THSD7A: variants seen among roughly 807,000 people sequenced by gnomAD.
The protein encoded by THSD7A is thrombospondin type 1 domain containing 7A, also known as thrombospondin type-1 domain-containing protein 7A.
Under a neutral mutation model 231.3 loss-of-function variants are expected in THSD7A, and 96 were observed. That is an observed-to-expected ratio of 0.41 (90% CI 0.35 to 0.49). The LOEUF (loss-of-function observed/expected upper bound fraction) is 0.49. Among genes scored for constraint, THSD7A ranks in the 20% least tolerant of loss-of-function variants. The pLI is 0.05. For synonymous variants in THSD7A, 940 were observed against 743.3 expected (o/e 1.26, Z -4.30); for missense variants, 2,290 against 2,070.2 (o/e 1.11, Z -2.06).
chr7:11,495,651 A>G (rs1406133897), intron 6 of THSD7A, among the ~76,000 whole-genome samples: 1 of 152,162 alleles, frequency 6.6e-6, no homozygotes, highest in Non-Finnish European at 1.5e-5. Flanking sequence ...CTATTGAACT[A>G]GAAAAATCTT....
chr7:11,773,679 T>C (rs1276698309), intron 1 of THSD7A, among the ~76,000 whole-genome samples: 1 of 152,102 alleles, frequency 6.6e-6, no homozygotes, highest in Admixed American at 6.5e-5. Flanking sequence ...TTATTATGGA[T>C]TCATAATAAT....
At position 11,518,249 on chromosome 7, in the gene THSD7A, A is replaced by C. The variant is rs557514271; in HGVS notation, c.1822+23170T>G. On this transcript the variant is annotated intron_variant, in intron 6 of 27. Coordinates refer to ENST00000423059, the MANE Select transcript of THSD7A (RefSeq NM_015204.3). ...CAATTAAGTATAACAAGAGGAAAGC[A>C]CCAGAGATGCTACAATAGGAATACA... Among the ~76,000 whole-genome samples the C allele has an allele frequency of 9.8e-5, 15 of 152,336 alleles. 1 individual carries two copies. The South Asian group carries it at 2.7e-3, about 27-fold the overall frequency.
chr7:11,513,365 A>G (rs552480604), intron 6 of THSD7A, among the ~76,000 whole-genome samples: 3 of 152,026 alleles, frequency 2.0e-5, no homozygotes, highest in African/African-American at 4.8e-5. Flanking sequence ...AATAAAAAAA[A>G]CCAAAAAACA....
intron 23 of THSD7A, among the ~76,000 whole-genome samples, chr7:11,386,361 T>C (rs1782743751): frequency 1.3e-5 from 2 of 152,150 alleles, no homozygotes; most frequent in African/African-American, 4.8e-5. Flanking sequence ...TGTTTCTCCA[T>C]ATCCTCTCTA....
At chr7:11,545,652 A>G (rs1789348995) in intron 4 of THSD7A, among the ~76,000 whole-genome samples, 1 of 152,160 alleles carries the variant, frequency 6.6e-6, no homozygotes, top group Non-Finnish European at 1.5e-5. Flanking sequence ...GGGGTGAATT[A>G]AACAGGCATG....
chr7:11,477,613 T>C (rs554441806), intron 7 of THSD7A, among the ~76,000 whole-genome samples: 9 of 152,294 alleles, frequency 5.9e-5, no homozygotes, highest in Admixed American at 1.3e-4. Context: ...GTCATTAAAA[T>C]TGTTTGCAAA....
At chr7:11,743,934 A>C (rs1782191721) in intron 1 of THSD7A, among the ~76,000 whole-genome samples, 2 of 151,898 alleles carry the variant, frequency 1.3e-5, no homozygotes. Flanking sequence ...CTAACTTTTA[A>C]TTAGCACTTA....
chr7:11,551,033 A>T (rs888266813), intron 4 of THSD7A, among the ~76,000 whole-genome samples: 11 of 152,268 alleles, frequency 7.2e-5, no homozygotes, highest in African/African-American at 2.6e-4. Flanking sequence ...TGATTCCAGA[A>T]ACAAAGTCAC....
In THSD7A at chr7:11,573,288, G is replaced by T. The variant is rs577037736; in HGVS notation, c.1453+17172C>A. 6.2e-4 allele frequency among the ~76,000 whole-genome samples: 94 copies of T among 152,314 alleles called. 1 individual carries two copies. The highest frequency in any genetic ancestry group is 3.4e-3 in the Middle Eastern group (1 of 294). ...TGTATTCAGCCAAACTCTGGCCAAG[G>T]ATTCATGGTGTATCCACACTGAGAC... On this transcript the variant is annotated intron_variant, in intron 4 of 27. Transcript: ENST00000423059.
chr7:11,637,360 G>A lies in THSD7A; in HGVS notation c.191-399C>T, dbSNP rs989421905. On this transcript the variant is annotated intron_variant, in intron 1 of 27. Transcript: ENST00000423059. The surrounding 1 kb of genome is among the most constrained non-coding windows in gnomAD (Gnocchi z 4.2). ...AGTAACTGGCAAAGAAAATGGCCCC[G>A]TGTGAAGAACTTCTCCTGCAGGCAT... Among the ~76,000 whole-genome samples the A allele has an allele frequency of 2.6e-5, 4 of 152,182 alleles. No individual in the cohort carries two copies. Among genetic ancestry groups the A allele is most frequent in the East Asian group, 1.9e-4 (1 of 5,192 alleles).
chr7:11,754,180 T>C (rs1045601952), intron 1 of THSD7A, among the ~76,000 whole-genome samples: 1 of 151,840 alleles, frequency 6.6e-6, no homozygotes, highest in Admixed American at 6.6e-5. Context: ...TTCAAAGAAA[T>C]CAAAGAAACC....
At chr7:11,485,867 G>A (rs1207182580) in intron 6 of THSD7A, among the ~76,000 whole-genome samples, 1 of 152,078 alleles carries the variant, frequency 6.6e-6, no homozygotes, top group Non-Finnish European at 1.5e-5. Context: ...GACATGTTTT[G>A]GCTCATAGCC....
At chr7:11,545,924 T>C (rs970710905) in intron 4 of THSD7A, among the ~76,000 whole-genome samples, 4 of 152,094 alleles carry the variant, frequency 2.6e-5, no homozygotes, top group Non-Finnish European at 2.9e-5. Flanking sequence ...ATAGCTTTCT[T>C]CCCCATGGCA....
chr7:11,513,582 A>G lies in THSD7A; in HGVS notation c.1822+27837T>C, dbSNP rs75314140. ...ATTATATCATTCTATTTATAGAAATACCCAGAACTGGTAAATCCATAAAAA... is the reference window on the plus strand; with the variant it reads ...ATTATATCATTCTATTTATAGAAATGCCCAGAACTGGTAAATCCATAAAAA... On this transcript the variant is annotated intron_variant, in intron 6 of 27. Coordinates refer to ENST00000423059, the MANE Select transcript of THSD7A (RefSeq NM_015204.3). Among the ~76,000 whole-genome samples the G allele has an allele frequency of 1.3e-3, 196 of 152,286 alleles. 5 individuals are homozygous for G. The East Asian group carries it at 0.034, about 27-fold the overall frequency.
rs984506438 is a variant in THSD7A, at chr7:11,479,139, A to C, written c.2017+2649T>G. Among the ~76,000 whole-genome samples the C allele has an allele frequency of 2.7e-4, 41 of 152,172 alleles. 1 individual carries two copies. Among genetic ancestry groups the C allele is most frequent in the Admixed American group, 2.6e-3 (40 of 15,266 alleles). ...GTAGAGTTACCCAAAACTGTAGCTA[A>C]ATTTCCATGAGGAAGAAGTAAATAA... On this transcript the variant is annotated intron_variant, in intron 7 of 27. Transcript: ENST00000423059.
intron 13 of THSD7A, among the ~76,000 whole-genome samples, chr7:11,437,307 G>A (rs1784664664): frequency 6.6e-6 from 1 of 152,056 alleles, no homozygotes; most frequent in Non-Finnish European, 1.5e-5. Flanking sequence ...CCTCCTCTGT[G>A]CTCCCTCAGG....
chr7:11,695,179 G>A (rs1780349865), intron 1 of THSD7A, among the ~76,000 whole-genome samples: 1 of 151,488 alleles, frequency 6.6e-6, no homozygotes, highest in African/African-American at 2.4e-5. Flanking sequence ...ACAGAATTAT[G>A]TCTCCTGTTC....
Position 11,429,002 on chromosome 7 carries a change from C to T in THSD7A, c.3188G>A (p.Arg1063His), listed in dbSNP as rs1197810199. ...SGVKVRSKWL[R>H]EKPYNGGRPC... is the part of the protein sequence containing the mutation. ...CCTTCCTCCATTATATGGTTTTTCA[C>T]GCAGCCATTTAGAACGAACCTTCAC... Residue 1063 changes from arginine to histidine, a missense_variant, in exon 14 of 28, where the codon CGT becomes CAT. Transcript: ENST00000423059. The T allele has an allele frequency of 8.1e-6, 13 of 1,612,662 alleles. No homozygotes were observed. The highest frequency in any genetic ancestry group is 2.2e-5 in the East Asian group (1 of 44,824).
chr7:11,663,233 AT>A (rs1783000101), intron 1 of THSD7A, among the ~76,000 whole-genome samples: 2 of 151,400 alleles, frequency 1.3e-5, no homozygotes, highest in South Asian at 4.1e-4. Flanking sequence ...AGAGGGTATT[AT>A]GACAAATCTT....
Sources: gnomAD v4.1 joint callset for allele counts (sites outside exome capture counted in the v4.1 genomes callset) on GRCh38, gnomAD v4.1.1 for gene constraint, Gnocchi (gnomAD v3.1) non-coding constraint, MANE v1.5 for transcripts, NCBI Gene and HGNC (gene_info 2026-07-23, HGNC 2026-07-21) for gene names.